Variants in ITPR2 observed in about 807,000 individuals in gnomAD.
ITPR2 encodes the protein inositol 1,4,5-trisphosphate-gated calcium channel ITPR2.
Under a neutral mutation model 317.1 loss-of-function variants are expected in ITPR2, and 207 were observed. The ratio of observed to expected loss-of-function variants is 0.65; its 90% CI spans 0.58 to 0.73. ITPR2 has a LOEUF of 0.73. Among genes scored for constraint, ITPR2 ranks in the 30% least tolerant of loss-of-function variants. The pLI, the probability that ITPR2 is intolerant of heterozygous loss-of-function variation, is 0.00. For missense variants in ITPR2, 2,613 were observed against 3,284.0 expected, an observed-to-expected ratio of 0.80 and a Z score of 4.99; for synonymous variants, 1,156 against 1,149.1, an observed-to-expected ratio of 1.01 and a Z score of -0.12.
At chr12:26,722,336 C>A in intron 5 of ITPR2, 61 bp downstream of exon 5, 1 of 1,417,804 alleles carries the variant, frequency 7.1e-7, no homozygotes. Flanking sequence ...GATTATCTTA[C>A]TTATTAGGAA....
intron 2 of ITPR2, among the ~76,000 whole-genome samples, chr12:26,755,274 G>C (rs1592098851): frequency 6.6e-6 from 1 of 152,202 alleles, no homozygotes; most frequent in East Asian, 1.9e-4. Context: ...TTTAGAAGTT[G>C]ATTTATAATT....
rs546480112 is a variant in ITPR2 at position 26,599,941 on chromosome 12, T to G, written c.3801+46A>C. On this transcript the variant is annotated intron_variant, in intron 29 of 56. Coordinates refer to ENST00000381340, the MANE Select transcript of ITPR2 (RefSeq NM_002223.4). ...TTCATGAATGTTACTGAGACAAATT[T>G]GATGCACACTTTACTAGAAATACTA... 4.8e-5 allele frequency: 70 copies of G among 1,459,170 alleles called. 1 individual carries two copies. In the South Asian group the frequency reaches 7.9e-4, roughly 16 times the overall value. The allele number at this position is 1,459,170 out of a possible 1,614,324, so 90.4% of individuals were successfully genotyped here. A position where few individuals can be genotyped will look rare whatever the true frequency, so the allele number is the denominator to read the frequency against.
At chr12:26,502,972 G>A (rs1226299198) in intron 37 of ITPR2, among the ~76,000 whole-genome samples, 3 of 152,084 alleles carry the variant, frequency 2.0e-5, no homozygotes, top group Admixed American at 2.0e-4. Flanking sequence ...CAATACATAC[G>A]GGGACATATC....
chr12:26,661,822 T>C (rs902540454), intron 15 of ITPR2, among the ~76,000 whole-genome samples: 2 of 152,124 alleles, frequency 1.3e-5, no homozygotes, highest in African/African-American at 4.8e-5. Context: ...CAGGGTCCGA[T>C]ACTGGGAGCA....
chr12:26,529,290 C>T (rs370594168), intron 37 of ITPR2, among the ~76,000 whole-genome samples: 1 of 152,314 alleles, frequency 6.6e-6, no homozygotes, highest in African/African-American at 2.4e-5. Flanking sequence ...TGATCCAGCC[C>T]CTTCTCCCAC....
chr12:26,802,260 C>T (rs1950567524), intron 1 of ITPR2, among the ~76,000 whole-genome samples: 1 of 151,864 alleles, frequency 6.6e-6, no homozygotes, highest in South Asian at 2.1e-4. Context: ...GATCATGTCA[C>T]TGCACTCCAG....
At chr12:26,773,827 C>A (rs1166663385) in intron 2 of ITPR2, among the ~76,000 whole-genome samples, 2 of 152,140 alleles carry the variant, frequency 1.3e-5, no homozygotes, top group Non-Finnish European at 2.9e-5. Flanking sequence ...TCCTTTGGCC[C>A]TTCTCTGAAA....
Position 26,357,017 on chromosome 12 carries a change from T to A in ITPR2, c.7858-16689A>T, listed in dbSNP as rs547451664. ...AAGCCAGTCTGATGAAATAACATAA[T>A]GTTTTATGATTGGCCAATCATATCA... On this transcript the variant is annotated intron_variant, in intron 55 of 56. Coordinates refer to ENST00000381340, the MANE Select transcript of ITPR2 (RefSeq NM_002223.4). Among the ~76,000 whole-genome samples, 149 of 152,324 alleles carry A rather than the reference T, an allele frequency of 9.8e-4. 1 individual carries two copies. Among genetic ancestry groups the A allele is most frequent in the East Asian group, 4.0e-3 (21 of 5,188 alleles).
At chr12:26,464,343 T>G (rs1205794160) in intron 45 of ITPR2, among the ~76,000 whole-genome samples, 2 of 152,222 alleles carry the variant, frequency 1.3e-5, no homozygotes, top group Non-Finnish European at 2.9e-5. Flanking sequence ...CAGATCATCA[T>G]GCATTAGATT....
chr12:26,707,170 TTGCCGTACCTGCAGCATTCTACCA>T (rs1361702924), intron 9 of ITPR2, among the ~76,000 whole-genome samples: 1 of 152,184 alleles, frequency 6.6e-6, no homozygotes, highest in African/African-American at 2.4e-5. Context: ...TCAGCTTCCT[TTGCCGTACCTGCAGCATTCTACCA>T]TGCTGTGCAT....
chr12:26,741,006 T>C (rs1177858664), intron 2 of ITPR2, among the ~76,000 whole-genome samples: 5 of 152,380 alleles, frequency 3.3e-5, no homozygotes, highest in African/African-American at 1.2e-4. Flanking sequence ...CAAATTATTT[T>C]AAAAATCATT....
rs115172110 is a variant in ITPR2, at chr12:26,596,234, T to C, written c.4255-644A>G. 8.1e-3 allele frequency among the ~76,000 whole-genome samples: 1,239 copies of C among 152,378 alleles called. 10 individuals are homozygous for C. Among genetic ancestry groups the C allele is most frequent in the African/African-American group, 0.018 (764 of 41,592 alleles). ...AATAATTTTTGAAGCACCTGTTTTA[T>C]GCTCAAGTACATACTAAAGTTTCAA... On this transcript the variant is annotated intron_variant, in intron 31 of 56. Coordinates refer to ENST00000381340, the MANE Select transcript of ITPR2 (RefSeq NM_002223.4).
intron 43 of ITPR2, 39 bp from the exon 44 acceptor site, chr12:26,477,046 A>G (rs746207167): frequency 3.2e-6 from 4 of 1,240,512 alleles, no homozygotes; most frequent in Non-Finnish European, 4.7e-6. Flanking sequence ...TGCAAAGTCT[A>G]TTTCATGGAT....
In ITPR2 at chr12:26,599,843, A is replaced by G. The variant is rs991989588; in HGVS notation, c.3801+144T>C. ...TAAAAGTTTCCTTAATGAAAAAAAA[A>G]AGATATTCACTTCTGGAGAGAGAAT... On this transcript the variant is annotated intron_variant, in intron 29 of 56. Transcript: ENST00000381340. The G allele has an allele frequency of 4.9e-5, 29 of 594,262 alleles. 1 individual carries two copies. In the Admixed American group the frequency reaches 8.7e-4, roughly 18 times the overall value. 36.8% of individuals were successfully genotyped at this position (594,262 alleles called of 1,614,324 possible). A position where few individuals can be genotyped will look rare whatever the true frequency, so the allele number is the denominator to read the frequency against.
chr12:26,541,283 C>G (rs952916029), intron 37 of ITPR2, among the ~76,000 whole-genome samples: 10 of 152,060 alleles, frequency 6.6e-5, no homozygotes, highest in African/African-American at 2.2e-4. Flanking sequence ...CGCCATTGCA[C>G]TCCAGCATGG....
intron 45 of ITPR2, among the ~76,000 whole-genome samples, chr12:26,452,891 A>G (rs539558737): frequency 1.3e-5 from 2 of 152,328 alleles, no homozygotes; most frequent in East Asian, 3.9e-4. Flanking sequence ...ACTCTCTTAC[A>G]GCAACAGAAA....
intron 13 of ITPR2, among the ~76,000 whole-genome samples, chr12:26,677,588 A>G (rs950755814): frequency 6.6e-6 from 1 of 150,774 alleles, no homozygotes; most frequent in Non-Finnish European, 1.5e-5. Context: ...CAACAGAGCA[A>G]GACCCTCTCT....
intron 36 of ITPR2, among the ~76,000 whole-genome samples, chr12:26,553,836 T>G (rs1250614153): frequency 6.6e-6 from 1 of 152,160 alleles, no homozygotes; most frequent in Non-Finnish European, 1.5e-5. Flanking sequence ...TTTAATTTTG[T>G]AAGATATTCT....
At chr12:26,703,944 C>G (rs1333080152) in intron 9 of ITPR2, among the ~76,000 whole-genome samples, 2 of 152,182 alleles carry the variant, frequency 1.3e-5, no homozygotes, top group African/African-American at 4.8e-5. Context: ...GCATAGCTAA[C>G]TGTGAACTGT....
Sources: allele counts gnomAD v4.1 joint callset (sites outside exome capture counted in the v4.1 genomes callset), GRCh38; gene constraint gnomAD v4.1.1; transcripts MANE v1.5; gene names NCBI Gene and HGNC (gene_info 2026-07-23, HGNC 2026-07-21).